The following SLA variants were observed in gnomAD, a reference collection of about 807,000 sequenced individuals.
The protein encoded by SLA is src-like-adapter.
A neutral mutation model predicts 30.3 loss-of-function variants in SLA; 16 were observed. That is an observed-to-expected ratio of 0.53 (90% CI 0.36 to 0.80). The LOEUF (loss-of-function observed/expected upper bound fraction) is 0.80, where lower values mean the gene tolerates loss of function less well. Among genes scored for constraint, SLA ranks in the 30% least tolerant of loss-of-function variants. The probability of loss-of-function intolerance (pLI) is 0.01; values close to 1 mark genes in which losing one functional copy is unlikely to be tolerated. For synonymous variants in SLA, 143 were observed against 137.8 expected (o/e 1.04, Z -0.26); for missense variants, 310 against 345.2 (o/e 0.90, Z 0.81).
rs1169722349 is a variant in SLA, at chr8:133,044,991, G to A, written c.477C>T (p.His159=). The A allele has an allele frequency of 6.2e-7, 1 of 1,614,070 alleles. No homozygotes were observed. Among genetic ancestry groups the A allele is most frequent in the African/African-American group, 1.3e-5 (1 of 74,942 alleles). The part of the protein sequence containing the change: ...TFQCLEDLVN[H]YSEVADGLCC... ...ATATTGTATGTCTCTTACCAGAATA[G>A]TGGTTCACCAGGTCCTCCAGGCACT... The change falls in exon 7 of 9, where the codon CAC becomes CAT. Residue 159 remains histidine (H), a synonymous_variant. Coordinates refer to ENST00000338087, the MANE Select transcript of SLA (RefSeq NM_001045556.3).
chr8:133,057,015 G>A (rs908608678), intron 3 of SLA, among the ~76,000 whole-genome samples: 2 of 152,156 alleles, frequency 1.3e-5, no homozygotes, highest in East Asian at 1.9e-4. Context: ...CAGGTGGTGC[G>A]AAGACCACTT....
intron 2 of SLA, among the ~76,000 whole-genome samples, chr8:133,067,863 A>AAAGGAAGG (rs1843267506): frequency 2.6e-5 from 2 of 76,418 alleles, no homozygotes. Flanking sequence ...AGAAAGAAAG[A>AAAGGAAGG]AAGAAAGGAA....
intron 1 of SLA, among the ~76,000 whole-genome samples, chr8:133,089,824 C>G (rs565392849): frequency 2.6e-5 from 4 of 152,154 alleles, no homozygotes; most frequent in Admixed American, 1.3e-4. Context: ...CCTGCCCACT[C>G]CCCCTCGGAA....
At chr8:133,080,490 C>G (rs1172731377) in intron 1 of SLA, among the ~76,000 whole-genome samples, 2 of 152,240 alleles carry the variant, frequency 1.3e-5, no homozygotes, top group African/African-American at 4.8e-5. Flanking sequence ...CACCTCTCCC[C>G]GCCAATGCTC....
rs117828708 is a variant in SLA at position 133,065,998 on chromosome 8, G to T, written c.-40-5798C>A. ...AAACAAGAGAGCGAGGCCAGTTGAG[G>T]CATGCTGTGGTCAAAAGGGCAGGAG... On this transcript the variant is annotated intron_variant, in intron 2 of 8. Coordinates refer to ENST00000338087, the MANE Select transcript of SLA (RefSeq NM_001045556.3). 2.9e-3 allele frequency among the ~76,000 whole-genome samples: 434 copies of T among 152,160 alleles called. 5 individuals are homozygous for T. The East Asian group carries it at 0.045, about 16-fold the overall frequency.
At chr8:133,097,481 G>C (rs1331878265) in intron 1 of SLA, among the ~76,000 whole-genome samples, 1 of 152,226 alleles carries the variant, frequency 6.6e-6, no homozygotes, top group Non-Finnish European at 1.5e-5. Flanking sequence ...ATATTATGCA[G>C]ATATTAAAAA....
At chr8:133,099,557 T>A (rs1848939382) in intron 1 of SLA, among the ~76,000 whole-genome samples, 2 of 152,194 alleles carry the variant, frequency 1.3e-5, no homozygotes, top group African/African-American at 4.8e-5. Flanking sequence ...CCACTTGACA[T>A]CTTCACTTAC....
chr8:133,036,950 A>G lies in SLA; in HGVS notation c.*1574T>C, dbSNP rs1837219702. 6.6e-6 allele frequency: 1 copy of G among 152,350 alleles called. No homozygotes were observed. The highest frequency in any genetic ancestry group is 1.5e-5 in the Non-Finnish European group (1 of 68,034). The allele number at this position is 152,350 out of a possible 1,614,324, so 9.4% of individuals were successfully genotyped here. ...AGTCAATGTCCACAGTGTTACATTCATTTCTCATACGTTGGCTGGTTCCTT... is the reference window on the plus strand; with the variant it reads ...AGTCAATGTCCACAGTGTTACATTCGTTTCTCATACGTTGGCTGGTTCCTT... On this transcript the variant is annotated 3_prime_UTR_variant, in exon 9 of 9. Transcript: ENST00000338087.
intron 1 of SLA, among the ~76,000 whole-genome samples, chr8:133,079,435 A>G (rs767673934): frequency 1.3e-5 from 2 of 152,212 alleles, no homozygotes; most frequent in Non-Finnish European, 2.9e-5. Flanking sequence ...CTAGCTTTAC[A>G]TACTTCACGT....
At chr8:133,041,107 A>G (rs1216290891) in intron 7 of SLA, among the ~76,000 whole-genome samples, 1 of 152,226 alleles carries the variant, frequency 6.6e-6, no homozygotes. Context: ...AGTCTTACTC[A>G]GGCTGAAAAC....
At chr8:133,074,750 G>C (rs1844609060) in intron 2 of SLA, 103 bp downstream of exon 2, 2 of 610,158 alleles carry the variant, frequency 3.3e-6, no homozygotes, top group African/African-American at 2.0e-5. Flanking sequence ...CTGTTCTCAG[G>C]GAGCTCCTTT....
In SLA at chr8:133,102,574, T is replaced by A; in HGVS notation, c.-340A>T. 6.4e-7 allele frequency: 1 copy of A among 1,551,392 alleles called. No homozygotes were observed. Among genetic ancestry groups the A allele is most frequent in the Non-Finnish European group, 8.7e-7 (1 of 1,146,684 alleles). Reference sequence around the variant, plus strand: ...CTACCGGTGGAGCATCAGGGCTGCCTGAGATGTTCTCCATTCGCAGCAAAT... The same window carrying A: ...CTACCGGTGGAGCATCAGGGCTGCCAGAGATGTTCTCCATTCGCAGCAAAT... On this transcript the variant is annotated 5_prime_UTR_variant, in exon 1 of 9. Transcript: ENST00000338087.
chr8:133,081,938 G>A (rs937791735), intron 1 of SLA, among the ~76,000 whole-genome samples: 2 of 152,186 alleles, frequency 1.3e-5, no homozygotes, highest in Non-Finnish European at 2.9e-5. Context: ...GCGCAGAGGA[G>A]GAAACAGGCA....
At chr8:133,079,378 G>A (rs34791956) in intron 1 of SLA, among the ~76,000 whole-genome samples, 25,186 of 152,234 alleles carry the variant, frequency 0.17, 2,395 homozygotes, top group East Asian at 0.21. Flanking sequence ...TAAGTACTAC[G>A]CTGTGGTCAT....
At chr8:133,064,664 C>T (rs573662718) in intron 2 of SLA, among the ~76,000 whole-genome samples, 7 of 152,322 alleles carry the variant, frequency 4.6e-5, no homozygotes, top group Middle Eastern at 3.4e-3. Context: ...ATGGCGTTGC[C>T]GTCGACAACG....
At chr8:133,082,490 A>G (rs184033508) in intron 1 of SLA, among the ~76,000 whole-genome samples, 3 of 152,208 alleles carry the variant, frequency 2.0e-5, no homozygotes, top group Non-Finnish European at 2.9e-5. Flanking sequence ...GAAGGAGCTC[A>G]CAGATGCCCA....
rs1038766933 is a variant in SLA at position 133,077,195 on chromosome 8, G to A, written c.-318-2065C>T. Among the ~76,000 whole-genome samples, 12 of 152,186 alleles carry A rather than the reference G, an allele frequency of 7.9e-5. No individual in the cohort carries two copies. In the South Asian group the frequency reaches 2.3e-3, roughly 29 times the overall value. On this transcript the variant is annotated intron_variant, in intron 1 of 8. Transcript: ENST00000338087. ...AGAAGGGACTGCTGGTTTCACACAA[G>A]CTTTAAAAGTTTTTGGGAAAGACAA...
intron 3 of SLA, among the ~76,000 whole-genome samples, chr8:133,058,149 C>T (rs961238339): frequency 3.9e-5 from 6 of 152,318 alleles, no homozygotes; most frequent in Middle Eastern, 3.4e-3. Context: ...CTACTTAACA[C>T]GGCATCACTG....
At chr8:133,087,091 C>T (rs1002408583) in intron 1 of SLA, among the ~76,000 whole-genome samples, 8 of 146,216 alleles carry the variant, frequency 5.5e-5, no homozygotes, top group African/African-American at 1.8e-4. Flanking sequence ...CACACACACA[C>T]ACACACACAC....
Sources: gnomAD v4.1 joint callset for allele counts (sites outside exome capture counted in the v4.1 genomes callset) on GRCh38, gnomAD v4.1.1 for gene constraint, MANE v1.5 for transcripts, NCBI Gene and HGNC (gene_info 2026-07-23, HGNC 2026-07-21) for gene names.